The following DGKH variants were observed in gnomAD, a reference collection of about 807,000 sequenced individuals.
DGKH encodes DAG kinase eta.
In DGKH, 90 loss-of-function variants were observed where a neutral mutation model predicts 159.3. The ratio of observed to expected loss-of-function variants is 0.57; its 90% confidence interval spans 0.48 to 0.67. The LOEUF (loss-of-function observed/expected upper bound fraction) is 0.67. Ranked by LOEUF, DGKH falls within the 30% of genes least tolerant of loss-of-function variation. The pLI is 0.00. For synonymous variants in DGKH, 536 were observed against 553.8 expected (o/e 0.97, Z 0.45); for missense variants, 1,181 against 1,506.1 (o/e 0.78, Z 3.57).
rs367814111 is a variant in DGKH, at chr13:42,219,675, G to A, written c.3334-11G>A. Reference sequence around the variant, plus strand: ...TCCTGAAAAAATTATTTTCTTGCTCGATTTGAACAGGAACCTCCTATGGAT... The same window carrying A: ...TCCTGAAAAAATTATTTTCTTGCTCAATTTGAACAGGAACCTCCTATGGAT... On this transcript the variant is annotated splice_polypyrimidine_tract_variant and intron_variant, in intron 27 of 29. Transcript: ENST00000337343. The A allele has an allele frequency of 2.3e-4, 363 of 1,607,024 alleles. 1 individual carries two copies. The highest frequency in any genetic ancestry group is 1.7e-3 in the Middle Eastern group (10 of 6,046).
intron 3 of DGKH, among the ~76,000 whole-genome samples, chr13:42,147,482 A>G (rs1476901518): frequency 6.6e-6 from 1 of 152,246 alleles, no homozygotes; most frequent in Non-Finnish European, 1.5e-5. Context: ...TGTGGTGACC[A>G]ATACAAAACA....
At chr13:42,044,012 T>G (rs1880663205), upstream of DGKH, 1 of 152,034 alleles carries the variant, frequency 6.6e-6, no homozygotes, top group Non-Finnish European at 1.5e-5. Flanking sequence ...ATTTTGGCAT[T>G]TTCTTGTATA....
intron 30 of DGKH, chr13:42,255,754 G>A (rs1292932256): frequency 3.1e-5 from 13 of 425,864 alleles, no homozygotes; most frequent in Admixed American, 1.2e-4. Flanking sequence ...GCAAAACTGC[G>A]AACTTCTCAG....
chr13:42,221,543 C>T, intron 29 of DGKH, 149 bp downstream of exon 29: 1 of 1,012,572 alleles, frequency 9.9e-7, no homozygotes, highest in Non-Finnish European at 1.4e-6. Context: ...GTCTGAGTTT[C>T]TTGTATGCTT....
chr13:42,129,720 C>T, intron 3 of DGKH, 88 bp downstream of exon 3: 1 of 1,211,354 alleles, frequency 8.3e-7, no homozygotes, highest in Non-Finnish European at 1.2e-6. Flanking sequence ...CAATTACAAA[C>T]TGTTGCTAAC....
chr13:42,055,704 CA>C (rs1881707378), intron 1 of DGKH, among the ~76,000 whole-genome samples: 1 of 152,124 alleles, frequency 6.6e-6, no homozygotes, highest in African/African-American at 2.4e-5. Context: ...TGTTTATAAG[CA>C]AAGGTTTTAA....
At chr13:42,213,503 A>G (rs1360317464) in intron 24 of DGKH, among the ~76,000 whole-genome samples, 1 of 152,186 alleles carries the variant, frequency 6.6e-6, no homozygotes, top group Non-Finnish European at 1.5e-5. Flanking sequence ...AAATTAGAAT[A>G]ACCTTTATCC....
At chr13:42,163,497 A>AT (rs1225226614) in intron 7 of DGKH, among the ~76,000 whole-genome samples, 3 of 151,908 alleles carry the variant, frequency 2.0e-5, no homozygotes, top group African/African-American at 7.2e-5. Context: ...AAGTGTTCCT[A>AT]TTTCTCCACA....
Position 42,157,158 on chromosome 13 carries a change from C to A in DGKH, c.622+1359C>A, listed in dbSNP as rs188420524. On this transcript the variant is annotated intron_variant, in intron 5 of 29. Coordinates refer to ENST00000337343, the MANE Select transcript of DGKH (RefSeq NM_178009.5). ...AAGGCATTAAAGCTTTCTTTTTAGA[C>A]TTAAAGAATGATTGCAAAAGAGATC... 6.2e-4 allele frequency among the ~76,000 whole-genome samples: 94 copies of A among 152,192 alleles called. 1 individual carries two copies. The highest frequency in any genetic ancestry group is 2.1e-3 in the African/African-American group (86 of 41,544).
intron 5 of DGKH, among the ~76,000 whole-genome samples, chr13:42,158,395 G>C (rs1041230460): frequency 1.3e-5 from 2 of 152,112 alleles, no homozygotes; most frequent in Non-Finnish European, 2.9e-5. Context: ...CCTAATATCA[G>C]TATCCCCTCA....
chr13:42,086,604 T>G (rs188861862), intron 1 of DGKH, among the ~76,000 whole-genome samples: 3 of 152,344 alleles, frequency 2.0e-5, no homozygotes, highest in Admixed American at 1.3e-4. Context: ...AGGAAACAGT[T>G]TTAATTAATA....
At chr13:42,050,739 C>A (rs1881217743) in intron 1 of DGKH, among the ~76,000 whole-genome samples, 1 of 152,048 alleles carries the variant, frequency 6.6e-6, no homozygotes, top group African/African-American at 2.4e-5. Flanking sequence ...CCTGTAATCC[C>A]TGCACTTTGG....
chr13:42,096,534 G>A (rs1437278039), intron 1 of DGKH, among the ~76,000 whole-genome samples: 1 of 152,140 alleles, frequency 6.6e-6, no homozygotes, highest in Non-Finnish European at 1.5e-5. Context: ...CATATGACAA[G>A]TAATTTTTGA....
intron 29 of DGKH, among the ~76,000 whole-genome samples, chr13:42,224,761 G>GTACT (rs779273992): frequency 1.6e-4 from 24 of 152,030 alleles, no homozygotes; most frequent in Non-Finnish European, 3.1e-4. Context: ...CCTTGGGGAT[G>GTACT]TACTCTCTTT....
intron 9 of DGKH, 52 bp downstream of exon 9, chr13:42,166,726 A>G: frequency 7.1e-7 from 1 of 1,400,114 alleles, no homozygotes; most frequent in South Asian, 1.9e-5. Flanking sequence ...ACTAGGTGTT[A>G]AATGTGTTTG....
rs765012150 is a variant in DGKH at position 42,165,408 on chromosome 13, T to G, written c.933T>G (p.Ile311Met). The G allele has an allele frequency of 6.3e-7, 1 of 1,586,858 alleles. No individual in the cohort carries two copies. The highest frequency in any genetic ancestry group is 8.6e-7 in the Non-Finnish European group (1 of 1,167,484). ...GTAAAGTATCTATCATACCTCCAATTGCACTAAACAGCACCGATTCCGATG... is the reference window on the plus strand; with the variant it reads ...GTAAAGTATCTATCATACCTCCAATGGCACTAAACAGCACCGATTCCGATG... ...GQCKVSIIPP[I>M]ALNSTDSDGF... is the part of the protein sequence containing the mutation. The change falls in exon 8 of 30, where the codon ATT becomes ATG. Residue 311 changes from isoleucine to methionine, a missense_variant. Physicochemically the swap from Ile to Met is conservative, Grantham distance 10. Coordinates refer to ENST00000337343, the MANE Select transcript of DGKH (RefSeq NM_178009.5).
At chr13:42,135,605 TTTG>T (rs1181056919) in intron 3 of DGKH, among the ~76,000 whole-genome samples, 2 of 152,106 alleles carry the variant, frequency 1.3e-5, no homozygotes, top group Non-Finnish European at 2.9e-5. Flanking sequence ...AATGTTCTTT[TTTG>T]TTGTTCATTT....
intron 23 of DGKH, 55 bp downstream of exon 23, chr13:42,209,520 AT>A (rs1443829922): frequency 5.4e-6 from 8 of 1,472,550 alleles, no homozygotes; most frequent in Non-Finnish European, 7.2e-6. Context: ...AGAATCTGAA[AT>A]TGTTATAAAA....
rs373833097 is a variant in DGKH, at chr13:42,193,339, A to G, written c.2036-1546A>G. 1.8e-4 allele frequency among the ~76,000 whole-genome samples: 28 copies of G among 152,344 alleles called. 1 individual carries two copies. In the East Asian group the frequency reaches 4.6e-3, roughly 25 times the overall value. ...AAAGGAAACTAAAAAATACAAATAT[A>G]GTGCTGTAAATGTTGATATTGAAAT... On this transcript the variant is annotated intron_variant, in intron 16 of 29. Transcript: ENST00000337343.
Sources: gnomAD v4.1 joint callset for allele counts (sites outside exome capture counted in the v4.1 genomes callset) on GRCh38, gnomAD v4.1.1 for gene constraint, MANE v1.5 for transcripts, NCBI Gene and HGNC (gene_info 2026-07-23, HGNC 2026-07-21) for gene names.